The following SHISA6 variants were observed in gnomAD, a reference collection of about 807,000 sequenced individuals.
SHISA6 encodes the protein shisa family member 6.
SHISA6 carries 22 observed loss-of-function variants against 47.9 expected under a neutral mutation model. The observed-to-expected ratio is 0.46, with a 90% CI of 0.33 to 0.66. SHISA6 has a LOEUF of 0.66. SHISA6 is among the 30% of genes least tolerant of loss of function. SHISA6 has a pLI of 0.02. For missense variants in SHISA6, 680 were observed against 764.6 expected, an observed-to-expected ratio of 0.89 and a Z score of 1.30; for synonymous variants, 388 against 337.8, an observed-to-expected ratio of 1.15 and a Z score of -1.63.
intron 3 of SHISA6, among the ~76,000 whole-genome samples, chr17:11,530,171 G>A (rs2071720140): frequency 6.6e-6 from 1 of 152,090 alleles, no homozygotes; most frequent in Non-Finnish European, 1.5e-5. Flanking sequence ...AAACAATTAA[G>A]GACATACACT....
At chr17:11,418,988 G>C (rs205042) in intron 3 of SHISA6, among the ~76,000 whole-genome samples, 70,470 of 151,686 alleles carry the variant, frequency 0.46, 17,421 homozygotes, top group Non-Finnish European at 0.54. Flanking sequence ...TGGAAGATGA[G>C]AGGCTTCCAG....
intron 1 of SHISA6, among the ~76,000 whole-genome samples, chr17:11,244,473 C>G (rs74597141): frequency 6.6e-6 from 1 of 152,058 alleles, no homozygotes; most frequent in Non-Finnish European, 1.5e-5. Context: ...TTCCGGGGCA[C>G]GTCAGGGTGA....
At chr17:11,455,086 G>A (rs1005545110) in intron 3 of SHISA6, among the ~76,000 whole-genome samples, 7 of 152,002 alleles carry the variant, frequency 4.6e-5, no homozygotes, top group Non-Finnish European at 7.4e-5. Flanking sequence ...GGAGAATGGT[G>A]TGAACCCAGG....
intron 2 of SHISA6, among the ~76,000 whole-genome samples, chr17:11,341,062 C>T (rs1300410600): frequency 2.0e-5 from 3 of 152,188 alleles, no homozygotes; most frequent in Non-Finnish European, 4.4e-5. Context: ...GGCACCAATC[C>T]TGCCCCACCT....
intron 2 of SHISA6, among the ~76,000 whole-genome samples, chr17:11,354,310 G>A (rs765310969): frequency 9.2e-5 from 14 of 152,134 alleles, no homozygotes; most frequent in Non-Finnish European, 1.9e-4. Flanking sequence ...CTCTCTAGTT[G>A]TGCCCATTGC....
chr17:11,355,189 G>A (rs1479585056), intron 2 of SHISA6, among the ~76,000 whole-genome samples: 1 of 152,186 alleles, frequency 6.6e-6, no homozygotes, highest in African/African-American at 2.4e-5. Flanking sequence ...GAGCCAATGG[G>A]CTATTTGCAG....
chr17:11,416,951 A>G (rs1914298388), intron 3 of SHISA6, among the ~76,000 whole-genome samples: 1 of 152,216 alleles, frequency 6.6e-6, no homozygotes, highest in African/African-American at 2.4e-5. Flanking sequence ...CAGATAGTAA[A>G]GTGAGAGTCA....
At chr17:11,300,118 T>G (rs1264123248) in intron 2 of SHISA6, among the ~76,000 whole-genome samples, 1 of 146,010 alleles carries the variant, frequency 6.8e-6, no homozygotes, top group Non-Finnish European at 1.5e-5. Flanking sequence ...GCACTCCAGC[T>G]TGTGCGACAG....
chr17:11,244,589 T>C (rs1907502254), intron 1 of SHISA6, among the ~76,000 whole-genome samples: 1 of 152,068 alleles, frequency 6.6e-6, no homozygotes, highest in African/African-American at 2.4e-5. Context: ...GGAGTATTTT[T>C]GTGTAGACTG....
At chr17:11,400,843 G>A (rs1913747461) in intron 3 of SHISA6, among the ~76,000 whole-genome samples, 1 of 152,156 alleles carries the variant, frequency 6.6e-6, no homozygotes, top group South Asian at 2.1e-4. Context: ...TCACCGACTT[G>A]ACTTTTCACT....
intron 3 of SHISA6, among the ~76,000 whole-genome samples, chr17:11,550,001 T>C (rs922102958): frequency 1.3e-5 from 2 of 152,142 alleles, no homozygotes; most frequent in Non-Finnish European, 2.9e-5. Context: ...AGTATCTTCA[T>C]GTGAGAAATT....
At chr17:11,281,412 T>C (rs955527765) in intron 2 of SHISA6, among the ~76,000 whole-genome samples, 2 of 152,196 alleles carry the variant, frequency 1.3e-5, no homozygotes, top group Non-Finnish European at 2.9e-5. Context: ...GAGATGATGA[T>C]ACAGTTTTTC....
At chr17:11,405,872 G>C (rs1015485944) in intron 3 of SHISA6, among the ~76,000 whole-genome samples, 1 of 151,912 alleles carries the variant, frequency 6.6e-6, no homozygotes, top group African/African-American at 2.4e-5. Context: ...CACCAGAGTC[G>C]GTCTGTGATT....
At chr17:11,552,138 C>G (rs957188953) in intron 4 of SHISA6, among the ~76,000 whole-genome samples, 186 bp downstream of exon 4, 9 of 152,208 alleles carry the variant, frequency 5.9e-5, no homozygotes, top group African/African-American at 1.9e-4. Flanking sequence ...AGGCTATTTT[C>G]CCCTTGGTGT....
At chr17:11,449,526 A>G (rs2969242) in intron 3 of SHISA6, among the ~76,000 whole-genome samples, 48,090 of 152,076 alleles carry the variant, frequency 0.32, 8,741 homozygotes, top group Non-Finnish European at 0.42. Flanking sequence ...TGAAGGAATG[A>G]ATGATGCGTC....
At chr17:11,426,222 T>C (rs1034708024) in intron 3 of SHISA6, among the ~76,000 whole-genome samples, 1 of 152,222 alleles carries the variant, frequency 6.6e-6, no homozygotes, top group East Asian at 1.9e-4. Context: ...AGGGAAATCC[T>C]AAAAGTGCCA....
intron 3 of SHISA6, among the ~76,000 whole-genome samples, chr17:11,455,646 G>A (rs941464308): frequency 6.6e-6 from 1 of 152,114 alleles, no homozygotes; most frequent in Admixed American, 6.5e-5. Flanking sequence ...AAGAGCCCAG[G>A]AGTAAAGGTT....
intron 1 of SHISA6, among the ~76,000 whole-genome samples, chr17:11,249,779 G>A (rs1461578644): frequency 6.6e-6 from 1 of 152,172 alleles, no homozygotes; most frequent in Non-Finnish European, 1.5e-5. Flanking sequence ...TAAGTCATGG[G>A]GCTGAGTCTG....
intron 2 of SHISA6, among the ~76,000 whole-genome samples, chr17:11,371,023 C>T (rs1428528608): frequency 6.6e-6 from 1 of 152,204 alleles, no homozygotes; most frequent in African/African-American, 2.4e-5. Flanking sequence ...TAACTCTGCA[C>T]AGACTCTGGA....
Sources: allele counts gnomAD v4.1 joint callset (sites outside exome capture counted in the v4.1 genomes callset), GRCh38; gene constraint gnomAD v4.1.1; transcripts MANE v1.5; gene names NCBI Gene and HGNC (gene_info 2026-07-23, HGNC 2026-07-21).